PPA2: variants seen among roughly 807,000 people sequenced by gnomAD.
The protein encoded by PPA2 is inorganic pyrophosphatase 2.
Under a neutral mutation model 49.5 loss-of-function variants are expected in PPA2, and 48 were observed. The ratio of observed to expected loss-of-function variants is 0.97; its 90% confidence interval spans 0.77 to 1.23. The LOEUF (loss-of-function observed/expected upper bound fraction) is 1.23. PPA2 is among the 50% of genes most tolerant of loss of function. PPA2 has a pLI of 0.00. For missense variants in PPA2, 429 were observed against 410.1 expected (o/e 1.05, Z -0.40); for synonymous variants, 131 against 139.9 (o/e 0.94, Z 0.45).
intron 9 of PPA2, among the ~76,000 whole-genome samples, chr4:105,393,399 G>A (rs1447319645): frequency 6.6e-6 from 1 of 151,112 alleles, no homozygotes; most frequent in Admixed American, 6.6e-5. Flanking sequence ...TGGGAGAATC[G>A]CTGAACTCTG....
At chr4:105,438,120 T>C (rs1046150174) in intron 5 of PPA2, 84 bp from the exon 6 acceptor site, 1 of 951,436 alleles carries the variant, frequency 1.1e-6, no homozygotes, top group Admixed American at 2.9e-5. Context: ...CACAAAGTTT[T>C]ATAGATAACA....
chr4:105,417,350 A>G (rs1302376381), intron 7 of PPA2, among the ~76,000 whole-genome samples: 1 of 152,200 alleles, frequency 6.6e-6, no homozygotes, highest in Non-Finnish European at 1.5e-5. Context: ...TAGATTAAAA[A>G]TATTTCCTAT....
chr4:105,371,741 A>C (rs1209834055), intron 10 of PPA2, among the ~76,000 whole-genome samples: 1 of 152,202 alleles, frequency 6.6e-6, no homozygotes, highest in Admixed American at 6.5e-5. Flanking sequence ...AGTTACAATA[A>C]CTCAGGCTAA....
At chr4:105,405,506 G>A (rs1722423735) in intron 7 of PPA2, 1 of 919,902 alleles carries the variant, frequency 1.1e-6, no homozygotes, top group African/African-American at 1.8e-5. Context: ...AATGGAGAGG[G>A]AATATATAAA....
chr4:105,442,120 T>C (rs984808261), intron 5 of PPA2, among the ~76,000 whole-genome samples: 7 of 152,124 alleles, frequency 4.6e-5, no homozygotes, highest in Non-Finnish European at 5.9e-5. Context: ...TCCTCTTGTC[T>C]TGGGCTCCCA....
At position 105,439,689 on chromosome 4, in the gene PPA2, G is replaced by T. The variant is rs540438405; in HGVS notation, c.442-1653C>A. 6.1e-5 allele frequency among the ~76,000 whole-genome samples: 9 copies of T among 148,412 alleles called. No homozygotes were observed. In the South Asian group the frequency reaches 1.5e-3, roughly 24 times the overall value. On this transcript the variant is annotated intron_variant, in intron 5 of 11. Transcript: ENST00000341695. ...GGCATTTGTGACAAATGCAATAAAG[G>T]TAATTATTATGATACTTTTAAGTTT... is the stretch of plus-strand genomic sequence containing the variant.
chr4:105,402,684 A>C (rs1722265782), intron 7 of PPA2, among the ~76,000 whole-genome samples: 1 of 152,194 alleles, frequency 6.6e-6, no homozygotes. Context: ...GGTTTTGGGC[A>C]GAGGAGTAAA....
At chr4:105,409,761 C>G (rs910078196) in intron 7 of PPA2, among the ~76,000 whole-genome samples, 22 of 152,322 alleles carry the variant, frequency 1.4e-4, no homozygotes, top group Admixed American at 3.9e-4. Context: ...GCTGGTGATA[C>G]CCAGGCGAAT....
intron 5 of PPA2, chr4:105,446,107 T>G (rs943816611): frequency 3.8e-6 from 1 of 264,846 alleles, no homozygotes; most frequent in Non-Finnish European, 7.0e-6. Context: ...TCACTGACAC[T>G]TAATAGGCAA....
At chr4:105,419,958 T>TC (rs1326566395) in intron 7 of PPA2, among the ~76,000 whole-genome samples, 1 of 151,622 alleles carries the variant, frequency 6.6e-6, no homozygotes, top group African/African-American at 2.4e-5. Flanking sequence ...TTTCTTTCTT[T>TC]TTTTTTTTCG....
intron 7 of PPA2, among the ~76,000 whole-genome samples, chr4:105,406,827 T>C (rs189751740): frequency 1.3e-5 from 2 of 152,264 alleles, no homozygotes; most frequent in South Asian, 2.1e-4. Flanking sequence ...GGGTCAACTG[T>C]ATATGAGGTA....
chr4:105,382,199 GC>G (rs1330036593), intron 10 of PPA2, among the ~76,000 whole-genome samples: 3 of 151,870 alleles, frequency 2.0e-5, no homozygotes, highest in Admixed American at 6.6e-5. Flanking sequence ...ATGAACTTGT[GC>G]TTTTTTCTTT....
intron 1 of PPA2, among the ~76,000 whole-genome samples, chr4:105,472,956 C>G (rs560343711): frequency 3.9e-5 from 6 of 152,218 alleles, no homozygotes; most frequent in African/African-American, 1.4e-4. Flanking sequence ...TAAACTCGTC[C>G]GGGGTCACAG....
rs1381089826 is a variant in PPA2 at position 105,369,677 on chromosome 4, G to A, written c.*48C>T. 3.9e-6 allele frequency: 6 copies of A among 1,526,394 alleles called. 1 individual carries two copies. In the African/African-American group the frequency reaches 8.2e-5, roughly 21 times the overall value. The allele number at this position is 1,526,394 out of a possible 1,614,324, so 94.6% of individuals were successfully genotyped here. A position where few individuals can be genotyped will look rare whatever the true frequency, so the allele number is the denominator to read the frequency against. ...TAGACCCCCTTGTCTCTAGCACTTGGAGTCCTTAGAGATGGGAATCTTGAC... is the reference window on the plus strand; with the variant it reads ...TAGACCCCCTTGTCTCTAGCACTTGAAGTCCTTAGAGATGGGAATCTTGAC... On this transcript the variant is annotated 3_prime_UTR_variant, in exon 12 of 12. Coordinates refer to ENST00000341695, the MANE Select transcript of PPA2 (RefSeq NM_176869.3).
chr4:105,434,666 A>AT (rs1723964683), intron 6 of PPA2, among the ~76,000 whole-genome samples: 1 of 152,214 alleles, frequency 6.6e-6, no homozygotes, highest in Admixed American at 6.5e-5. Context: ...TGTTTTATCT[A>AT]TTTTTATTCA....
At chr4:105,425,909 C>G (rs1427347278) in intron 6 of PPA2, among the ~76,000 whole-genome samples, 3 of 152,112 alleles carry the variant, frequency 2.0e-5, no homozygotes, top group African/African-American at 7.2e-5. Context: ...ATAAGAATGA[C>G]AGCTGATTTC....
intron 4 of PPA2, among the ~76,000 whole-genome samples, chr4:105,446,845 A>G (rs898971271): frequency 6.6e-6 from 1 of 152,146 alleles, no homozygotes; most frequent in African/African-American, 2.4e-5. Context: ...ATTATCATCA[A>G]TATTATGATA....
chr4:105,404,953 G>A (rs1442868539), intron 7 of PPA2: 1 of 152,690 alleles, frequency 6.5e-6, no homozygotes, highest in East Asian at 1.9e-4. Context: ...CGTGGTGGCG[G>A]GCACCTGTAG....
At chr4:105,432,033 T>A (rs1046920866) in intron 6 of PPA2, among the ~76,000 whole-genome samples, 37 of 152,328 alleles carry the variant, frequency 2.4e-4, no homozygotes, top group Non-Finnish European at 4.3e-4. Context: ...ACACTGTGAA[T>A]GTATTAACTG....
Sources: gnomAD v4.1 joint callset for allele counts (sites outside exome capture counted in the v4.1 genomes callset) on GRCh38, gnomAD v4.1.1 for gene constraint, MANE v1.5 for transcripts, NCBI Gene and HGNC (gene_info 2026-07-23, HGNC 2026-07-21) for gene names.